PIK3CA: variants seen among roughly 807,000 people sequenced by gnomAD.
The protein encoded by PIK3CA is phosphatidylinositol-4,5-bisphosphate 3-kinase catalytic subunit alpha.
PIK3CA carries 27 observed loss-of-function variants against 138.2 expected under a neutral mutation model. That is an observed-to-expected ratio of 0.20 (90% CI 0.14 to 0.27). The LOEUF (loss-of-function observed/expected upper bound fraction) is 0.27. PIK3CA is among the 10% of genes least tolerant of loss of function. The pLI, the probability that PIK3CA is intolerant of heterozygous loss-of-function variation, is 1.00. For synonymous variants in PIK3CA, 358 were observed against 413.2 expected (o/e 0.87, Z 1.62); for missense variants, 544 against 1,277.4 (o/e 0.43, Z 8.75).
At chr3:179,200,927 C>G (rs1724394116) in intron 3 of PIK3CA, among the ~76,000 whole-genome samples, 1 of 152,080 alleles carries the variant, frequency 6.6e-6, no homozygotes, top group East Asian at 1.9e-4. Flanking sequence ...CCATAGTTAC[C>G]AAAAACTTCC....
intron 6 of PIK3CA, among the ~76,000 whole-genome samples, chr3:179,206,411 G>T (rs543385460): frequency 2.6e-5 from 4 of 152,214 alleles, no homozygotes; most frequent in African/African-American, 7.2e-5. Context: ...ACTCATACTG[G>T]TATGCCTCAC....
At chr3:179,204,850 C>T (rs1175613250) in intron 6 of PIK3CA, among the ~76,000 whole-genome samples, 1 of 151,220 alleles carries the variant, frequency 6.6e-6, no homozygotes, top group Non-Finnish European at 1.5e-5. Context: ...GAAACCCCAT[C>T]TCTACTAAAA....
At chr3:179,207,678 C>G (rs577787562) in intron 6 of PIK3CA, among the ~76,000 whole-genome samples, 137 of 152,014 alleles carry the variant, frequency 9.0e-4, no homozygotes, top group Non-Finnish European at 9.4e-4. Flanking sequence ...CACCACCACG[C>G]CCAGCTAATC....
In PIK3CA at chr3:179,234,079, T is replaced by C. The variant is rs200829898; in HGVS notation, c.2937-15T>C. The C allele has an allele frequency of 9.1e-5, 145 of 1,586,692 alleles. No individual in the cohort carries two copies. The highest frequency in any genetic ancestry group is 1.2e-4 in the Non-Finnish European group (134 of 1,160,924). ...ATTTGCTCCAAACTGACCAAACTGT[T>C]CTTATTACTTATAGGTTTCAGGAGA... On this transcript the variant is annotated splice_polypyrimidine_tract_variant and intron_variant, in intron 20 of 20. Coordinates refer to ENST00000263967, the MANE Select transcript of PIK3CA (RefSeq NM_006218.4). The surrounding 1 kb of genome is among the most constrained non-coding windows in gnomAD (Gnocchi z 5.1).
intron 1 of PIK3CA, among the ~76,000 whole-genome samples, chr3:179,196,717 T>C (rs1338687312): frequency 6.6e-6 from 1 of 152,206 alleles, no homozygotes; most frequent in Non-Finnish European, 1.5e-5. Flanking sequence ...CAACCAAGAA[T>C]TGGTACAGCA....
chr3:179,217,181 T>G (rs1372662225), intron 9 of PIK3CA, among the ~76,000 whole-genome samples: 1 of 152,136 alleles, frequency 6.6e-6, no homozygotes, highest in African/African-American at 2.4e-5. Context: ...GCAATAGTCT[T>G]TCCCAAATCT....
At chr3:179,152,512 C>T (rs370858332) in intron 1 of PIK3CA, among the ~76,000 whole-genome samples, 7 of 152,250 alleles carry the variant, frequency 4.6e-5, no homozygotes, top group South Asian at 4.1e-4. Flanking sequence ...AACTTACTGG[C>T]AGGATTACTT....
chr3:179,228,002 TA>T (rs11343774), intron 17 of PIK3CA, among the ~76,000 whole-genome samples: 15,208 of 152,066 alleles, frequency 0.1, 1,173 homozygotes, highest in African/African-American at 0.21. Context: ...TTTACTTAAA[TA>T]ACTAGTAGGC....
intron 1 of PIK3CA, among the ~76,000 whole-genome samples, chr3:179,163,862 G>T (rs1723348176): frequency 6.6e-6 from 1 of 151,846 alleles, no homozygotes; most frequent in Admixed American, 6.6e-5. Context: ...GCCATGCAAT[G>T]TGCTTGTCCA....
rs1725406755 is a variant in PIK3CA at position 179,239,901 on chromosome 3, T to A, written c.*5537T>A. On this transcript the variant is annotated 3_prime_UTR_variant, in exon 21 of 21. Transcript: ENST00000263967. ...TGACACAGCAAGATGCATGTGTTAC[T>A]ATATTGAGAATATAGAATAATAACA... is the stretch of plus-strand genomic sequence containing the variant. 1.2e-5 allele frequency: 9 copies of A among 743,538 alleles called. No homozygotes were observed. In the South Asian group the frequency reaches 1.7e-4, roughly 14 times the overall value. The allele number at this position is 743,538 out of a possible 1,614,324, so 46.1% of individuals were successfully genotyped here.
chr3:179,166,839 T>C (rs1332702060), intron 1 of PIK3CA, among the ~76,000 whole-genome samples: 1 of 152,102 alleles, frequency 6.6e-6, no homozygotes, highest in Non-Finnish European at 1.5e-5. Context: ...GCTGCAAAAT[T>C]CAGATCCAGT....
intron 9 of PIK3CA, among the ~76,000 whole-genome samples, chr3:179,217,155 A>G (rs1463829146): frequency 1.3e-5 from 2 of 152,124 alleles, no homozygotes; most frequent in Non-Finnish European, 2.9e-5. Flanking sequence ...GAAGGCTTGC[A>G]GTGTTTTCTC....
intron 9 of PIK3CA, among the ~76,000 whole-genome samples, chr3:179,212,801 TCTTC>T (rs975717588): frequency 1.3e-5 from 2 of 152,216 alleles, no homozygotes; most frequent in Non-Finnish European, 2.9e-5. Context: ...ATGAATTTTC[TCTTC>T]CTTATGATTT....
chr3:179,212,568 C>T (rs748722639), intron 9 of PIK3CA, among the ~76,000 whole-genome samples: 6 of 152,018 alleles, frequency 3.9e-5, no homozygotes, highest in Middle Eastern at 3.4e-3. Flanking sequence ...TGCGCCGCTG[C>T]ACTCCAGCCT....
chr3:179,179,779 CAAG>C (rs1341006320), intron 1 of PIK3CA, among the ~76,000 whole-genome samples: 2 of 152,100 alleles, frequency 1.3e-5, no homozygotes, highest in African/African-American at 2.4e-5. Context: ...CTCAAAATAA[CAAG>C]AAGTTTTGCC....
rs1724336271 is a variant in PIK3CA at position 179,198,957 on chromosome 3, C to T, written c.132C>T (p.Thr44=). ...LECLREATLI[T]IKHELFKEAR... is the part of the protein sequence containing the mutation. ...GCCTCCGTGAGGCTACATTAATAAC[C>T]ATAAAGCATGAACTATTTAAAGAAG... Residue 44 remains threonine (T), a synonymous_variant, in exon 2 of 21, where the codon ACC becomes ACT. Transcript: ENST00000263967. 1.9e-6 allele frequency: 3 copies of T among 1,612,554 alleles called. No homozygotes were observed. The highest frequency in any genetic ancestry group is 2.2e-5 in the South Asian group (2 of 90,912).
chr3:179,220,622 T>C lies in PIK3CA; in HGVS notation c.2016-364T>C, dbSNP rs144831150. ...GAAGTTAAGTTGAAAACAAGAAGCATAGGCGTGTGTCAGAAGAGTCAAACA... is the reference window on the plus strand; with the variant it reads ...GAAGTTAAGTTGAAAACAAGAAGCACAGGCGTGTGTCAGAAGAGTCAAACA... On this transcript the variant is annotated intron_variant, in intron 13 of 20. Transcript: ENST00000263967. The surrounding 1 kb of genome is among the most constrained non-coding windows in gnomAD (Gnocchi z 4.1). Among the ~76,000 whole-genome samples, 20 of 152,278 alleles carry C rather than the reference T, an allele frequency of 1.3e-4. No individual in the cohort carries two copies. Among genetic ancestry groups the C allele is most frequent in the African/African-American group, 4.8e-4 (20 of 41,582 alleles).
chr3:179,224,852 C>G (rs1276610171), intron 16 of PIK3CA, 31 bp downstream of exon 16: 1 of 1,510,070 alleles, frequency 6.6e-7, no homozygotes. Context: ...GCTTATGATG[C>G]ATGAATTTAG....
chr3:179,198,746 T>G lies in PIK3CA; in HGVS notation c.-76-4T>G. ...TTAACATATGTTTTCCTTCTTTGAT[T>G]TAGGTTTCTGCTTTGGGACAACCAT... On this transcript the variant is annotated splice_polypyrimidine_tract_variant and splice_region_variant and intron_variant, in intron 1 of 20. Coordinates refer to ENST00000263967, the MANE Select transcript of PIK3CA (RefSeq NM_006218.4). 1 of 715,152 alleles carries G rather than the reference T, an allele frequency of 1.4e-6. No homozygotes were observed. The highest frequency in any genetic ancestry group is 2.3e-6 in the Non-Finnish European group (1 of 439,302). 44.3% of individuals were successfully genotyped at this position (715,152 alleles called of 1,614,324 possible). A position where few individuals can be genotyped will look rare whatever the true frequency, so the allele number is the denominator to read the frequency against.
Sources: allele counts gnomAD v4.1 joint callset (sites outside exome capture counted in the v4.1 genomes callset), GRCh38; gene constraint gnomAD v4.1.1; non-coding constraint Gnocchi (gnomAD v3.1); transcripts MANE v1.5; gene names NCBI Gene and HGNC (gene_info 2026-07-23, HGNC 2026-07-21).